Variants in NDST4 observed in about 807,000 individuals in gnomAD.
The protein encoded by NDST4 is N-deacetylase and N-sulfotransferase 4.
Under a neutral mutation model 100.8 loss-of-function variants are expected in NDST4, and 63 were observed. The ratio of observed to expected loss-of-function variants is 0.62; its 90% CI spans 0.51 to 0.77. The LOEUF is 0.77. Ranked by LOEUF, NDST4 falls within the 30% of genes least tolerant of loss-of-function variation. The probability of loss-of-function intolerance (pLI) is 0.00; values close to 1 mark genes in which losing one functional copy is unlikely to be tolerated. For synonymous variants in NDST4, 377 were observed against 361.8 expected, an observed-to-expected ratio of 1.04 and a Z score of -0.48; for missense variants, 943 against 1,018.4, an observed-to-expected ratio of 0.93 and a Z score of 1.01.
At chr4:115,056,613 T>C (rs970690408) in intron 2 of NDST4, among the ~76,000 whole-genome samples, 40 of 152,280 alleles carry the variant, frequency 2.6e-4, no homozygotes, top group African/African-American at 7.7e-4. Context: ...AAGTGCATGA[T>C]AGAATGCCAC....
chr4:115,008,305 G>GTT lies in NDST4; in HGVS notation c.979-31032_979-31031insAA, dbSNP rs1457005378. Among the ~76,000 whole-genome samples the GTT allele has an allele frequency of 3.1e-5, 4 of 129,000 alleles. 1 individual carries two copies. Among genetic ancestry groups the GTT allele is most frequent in the Non-Finnish European group, 6.6e-5 (4 of 60,310 alleles). 84.6% of individuals were successfully genotyped at this position (129,000 alleles called of 152,430 possible). ...ATGCAGTTTCTTCCTAGACTCGATG[G>GTT]TCTTTACAATTTGGCATGATTTTGC... is the stretch of plus-strand genomic sequence containing the variant. On this transcript the variant is annotated intron_variant, in intron 2 of 13. Transcript: ENST00000264363.
intron 2 of NDST4, among the ~76,000 whole-genome samples, chr4:114,991,711 A>C (rs1323506321): frequency 8.5e-5 from 13 of 152,076 alleles, no homozygotes; most frequent in African/African-American, 3.1e-4. Flanking sequence ...TACAAATGAA[A>C]TTAACAGACT....
At chr4:115,051,780 G>A (rs567085091) in intron 2 of NDST4, among the ~76,000 whole-genome samples, 2 of 152,262 alleles carry the variant, frequency 1.3e-5, no homozygotes, top group East Asian at 3.9e-4. Flanking sequence ...ATACCCAGTA[G>A]TGGAAGTGCT....
intron 2 of NDST4, among the ~76,000 whole-genome samples, chr4:115,039,330 C>A (rs1342468493): frequency 3.3e-5 from 5 of 152,062 alleles, no homozygotes; most frequent in African/African-American, 1.2e-4. Flanking sequence ...TTATGTATTT[C>A]TTTTCACTAA....
At chr4:115,049,069 GA>G (rs1560580244) in intron 2 of NDST4, among the ~76,000 whole-genome samples, 1 of 152,072 alleles carries the variant, frequency 6.6e-6, no homozygotes, top group African/African-American at 2.4e-5. Context: ...CATGATTGAG[GA>G]TGTTCAATTA....
chr4:114,841,452 T>C (rs1213360072), intron 10 of NDST4, among the ~76,000 whole-genome samples: 1 of 152,186 alleles, frequency 6.6e-6, no homozygotes, highest in Non-Finnish European at 1.5e-5. Flanking sequence ...TAAAAAGTAT[T>C]ATCAGAAAAA....
intron 1 of NDST4, among the ~76,000 whole-genome samples, chr4:115,089,035 A>G (rs1463417464): frequency 6.6e-6 from 1 of 152,002 alleles, no homozygotes; most frequent in Admixed American, 6.6e-5. Flanking sequence ...CATTTTGTAA[A>G]CTTCCTGCTA....
chr4:114,828,608 T>C (rs1723131165), intron 13 of NDST4, among the ~76,000 whole-genome samples: 1 of 152,182 alleles, frequency 6.6e-6, no homozygotes, highest in South Asian at 2.1e-4. Flanking sequence ...TTATCTTTCA[T>C]CTACACAGAT....
At chr4:115,025,606 C>T (rs1248168391) in intron 2 of NDST4, among the ~76,000 whole-genome samples, 1 of 152,038 alleles carries the variant, frequency 6.6e-6, no homozygotes, top group Non-Finnish European at 1.5e-5. Flanking sequence ...CAGAAGAGAC[C>T]TATTCCATGT....
chr4:114,925,657 C>A (rs1202770297), intron 6 of NDST4, among the ~76,000 whole-genome samples: 1 of 152,078 alleles, frequency 6.6e-6, no homozygotes, highest in African/African-American at 2.4e-5. Flanking sequence ...CTCTTTCAGG[C>A]ACATATTTTT....
chr4:115,039,864 A>G lies in NDST4; in HGVS notation c.978+36195T>C, dbSNP rs922727152. Among the ~76,000 whole-genome samples, 42 of 152,140 alleles carry G rather than the reference A, an allele frequency of 2.8e-4. 1 individual carries two copies. The highest frequency in any genetic ancestry group is 2.6e-3 in the Admixed American group (40 of 15,254). Reference sequence around the variant, plus strand: ...TTTCTCCCATACTAAGAGTTTTTCAACAACACTGAGAATAATAAAAGAGCT... The same window carrying G: ...TTTCTCCCATACTAAGAGTTTTTCAGCAACACTGAGAATAATAAAAGAGCT... On this transcript the variant is annotated intron_variant, in intron 2 of 13. Transcript: ENST00000264363.
chr4:114,859,369 A>G (rs1723868544), intron 7 of NDST4, among the ~76,000 whole-genome samples: 1 of 152,232 alleles, frequency 6.6e-6, no homozygotes, highest in African/African-American at 2.4e-5. Context: ...AAAAGCAGCA[A>G]TTGTGTTATA....
chr4:114,907,589 C>A (rs776967195), intron 6 of NDST4, among the ~76,000 whole-genome samples: 1 of 152,088 alleles, frequency 6.6e-6, no homozygotes, highest in Non-Finnish European at 1.5e-5. Flanking sequence ...CACACTTAAA[C>A]CCCAAGCTGC....
chr4:115,092,868 G>A (rs1387414563), intron 1 of NDST4, among the ~76,000 whole-genome samples: 2 of 152,084 alleles, frequency 1.3e-5, no homozygotes, highest in East Asian at 1.9e-4. Flanking sequence ...TAGTAATCAC[G>A]TTAAAAGTAA....
At chr4:114,955,607 G>T (rs1333132716) in intron 4 of NDST4, among the ~76,000 whole-genome samples, 1 of 152,202 alleles carries the variant, frequency 6.6e-6, no homozygotes, top group Admixed American at 6.5e-5. Context: ...AGAATAGTAG[G>T]ATGCAGAGTT....
At chr4:115,003,867 C>CAA (rs879877045) in intron 2 of NDST4, among the ~76,000 whole-genome samples, 1 of 136,488 alleles carries the variant, frequency 7.3e-6, no homozygotes, top group South Asian at 2.3e-4. Flanking sequence ...GACTCTGTCT[C>CAA]AAAAAAAAAA....
intron 2 of NDST4, among the ~76,000 whole-genome samples, chr4:115,009,132 G>A (rs1294530199): frequency 7.9e-6 from 1 of 126,406 alleles, no homozygotes; most frequent in Non-Finnish European, 1.7e-5. Flanking sequence ...TAGATTCAAT[G>A]CCATCCCCAT....
intron 6 of NDST4, among the ~76,000 whole-genome samples, chr4:114,907,172 C>T (rs1560806141): frequency 6.6e-6 from 1 of 152,028 alleles, no homozygotes; most frequent in Non-Finnish European, 1.5e-5. Flanking sequence ...TGATATATGT[C>T]CTCACTGTTT....
intron 6 of NDST4, among the ~76,000 whole-genome samples, chr4:114,921,717 A>C (rs1236647543): frequency 6.6e-6 from 1 of 151,496 alleles, no homozygotes; most frequent in Non-Finnish European, 1.5e-5. Flanking sequence ...TAAACTAGAA[A>C]AAATAAAATA....
Sources: allele counts gnomAD v4.1 joint callset (sites outside exome capture counted in the v4.1 genomes callset), GRCh38; gene constraint gnomAD v4.1.1; transcripts MANE v1.5; gene names NCBI Gene and HGNC (gene_info 2026-07-23, HGNC 2026-07-21).